TAP1: variants seen among roughly 807,000 people sequenced by gnomAD.
TAP1 encodes transporter 1, ATP binding cassette subfamily B member.
A neutral mutation model predicts 79.3 loss-of-function variants in TAP1; 56 were observed. The observed-to-expected ratio is 0.71, with a 90% CI of 0.57 to 0.88. The LOEUF is 0.88. Ranked by LOEUF, TAP1 falls within the 40% of genes least tolerant of loss-of-function variation. The pLI is 0.00. For synonymous variants in TAP1, 355 were observed against 401.4 expected (o/e 0.88, Z 1.38); for missense variants, 737 against 936.3 (o/e 0.79, Z 2.78).
Position 32,847,877 on chromosome 6 carries a change from T to G in TAP1, c.1740+42A>C. The G allele has an allele frequency of 1.9e-6, 3 of 1,612,916 alleles. No individual in the cohort carries two copies. Among genetic ancestry groups the G allele is most frequent in the Non-Finnish European group, 2.5e-6 (3 of 1,179,786 alleles). On this transcript the variant is annotated intron_variant, in intron 8 of 10. Transcript: ENST00000354258. The surrounding 1 kb of genome is among the most constrained non-coding windows in gnomAD (Gnocchi z 4.7). The stretch of plus-strand genomic sequence containing the variant: ...GTGCTCAGTAAGAATGCTCTTCGTA[T>G]TTGATGCTCCCTGCCCTCCTTCAAG...
At chr6:32,848,969 G>C in intron 6 of TAP1, 21 bp downstream of exon 6, 1 of 1,612,876 alleles carries the variant, frequency 6.2e-7, no homozygotes, top group Non-Finnish European at 8.5e-7. Flanking sequence ...ACACTGGGGA[G>C]TGAAGGTGGA....
rs1562365298 is a variant in TAP1, at chr6:32,847,905, A to G, written c.1740+14T>C. 1.2e-6 allele frequency: 2 copies of G among 1,613,084 alleles called. No individual in the cohort carries two copies. The highest frequency in any genetic ancestry group is 1.7e-4 in the Middle Eastern group (1 of 6,060). Reference sequence around the variant, plus strand: ...GATGCTCCCTGCCCTCCTTCAAGCCACCTGCTTCCATACCTGCCTGTGCAG... The same window carrying G: ...GATGCTCCCTGCCCTCCTTCAAGCCGCCTGCTTCCATACCTGCCTGTGCAG... On this transcript the variant is annotated intron_variant, in intron 8 of 10. Transcript: ENST00000354258. This position sits in a 1 kb window ranked among gnomAD's most constrained non-coding sequence, Gnocchi z 4.7.
intron 5 of TAP1, chr6:32,849,379 T>C (rs1464817762): frequency 1.7e-6 from 1 of 575,426 alleles, no homozygotes; most frequent in Non-Finnish European, 3.1e-6. Flanking sequence ...AAGGCTTTCA[T>C]TCATGTGATG....
rs755957031 is a variant in TAP1, at chr6:32,852,720, G to C, written c.599-218C>G. 2 of 1,455,960 alleles carry C rather than the reference G, an allele frequency of 1.4e-6. No homozygotes were observed. The highest frequency in any genetic ancestry group is 1.4e-5 in the South Asian group (1 of 69,500). 90.2% of individuals were successfully genotyped at this position (1,455,960 alleles called of 1,614,324 possible). A position where few individuals can be genotyped will look rare whatever the true frequency, so the allele number is the denominator to read the frequency against. ...GAACTTTCAGGATTTTATTAGGAAG[G>C]CTGGAGATCATGAAGTAGAAAAGCC... On this transcript the variant is annotated intron_variant, in intron 1 of 10. Transcript: ENST00000354258. This position sits in a 1 kb window ranked among gnomAD's most constrained non-coding sequence, Gnocchi z 4.8.
Position 32,847,554 on chromosome 6 carries a change from GCC to G in TAP1, c.1860_1861del (p.Ala621ProfsTer2). On this transcript the variant is annotated frameshift_variant, in exon 9 of 11. Transcript: ENST00000354258. LOFTEE classifies it high-confidence loss of function. This position sits in a 1 kb window ranked among gnomAD's most constrained non-coding sequence, Gnocchi z 4.7. ...AGGGAGTCCAGAGATGAAACTATGG[GCC>G]CCAGACTTTACTGCAGCAGCTGTGA... The G allele has an allele frequency of 6.2e-7, 1 of 1,613,992 alleles. No homozygotes were observed. Among genetic ancestry groups the G allele is most frequent in the Non-Finnish European group, 8.5e-7 (1 of 1,180,020 alleles).
rs1582643219 is a variant in TAP1, at chr6:32,852,986, A to G, written c.598+53T>C. 3.2e-6 allele frequency: 5 copies of G among 1,556,388 alleles called. No individual in the cohort carries two copies. Among genetic ancestry groups the G allele is most frequent in the Non-Finnish European group, 2.6e-6 (3 of 1,154,764 alleles). On this transcript the variant is annotated intron_variant, in intron 1 of 10. Transcript: ENST00000354258. The surrounding 1 kb of genome is among the most constrained non-coding windows in gnomAD (Gnocchi z 4.8). Reference sequence around the variant, plus strand: ...TCTACCTTACTGACAATTACCTTTGATTCCTGTCCCAGTCCCCTTGTGTCC... The same window carrying G: ...TCTACCTTACTGACAATTACCTTTGGTTCCTGTCCCAGTCCCCTTGTGTCC...
Position 32,853,538 on chromosome 6 carries a change from C to T in TAP1, c.99G>A (p.Trp33Ter). 6.2e-7 allele frequency: 1 copy of T among 1,610,412 alleles called. No individual in the cohort carries two copies. Among genetic ancestry groups the T allele is most frequent in the Non-Finnish European group, 8.5e-7 (1 of 1,178,064 alleles). ...GGGGCAGCGCGGTCCGGAGCAGCAC[C>T]CAGTCGGCGAGAAGTAGCAGTACTG... The part of the protein sequence containing the change: ...LGTVLLLLAD[W>*]VLLRTALPRI... Residue 33 changes from tryptophan (W) to a stop codon, truncating the protein, a stop_gained, in exon 1 of 11, where the codon TGG becomes TGA. Coordinates refer to ENST00000354258, the MANE Select transcript of TAP1 (RefSeq NM_000593.6). LOFTEE classifies it high-confidence loss of function. This position sits in a 1 kb window ranked among gnomAD's most constrained non-coding sequence, Gnocchi z 8.3.
rs778175475 is a variant in TAP1, at chr6:32,848,078, G to A, written c.1581C>T (p.Thr527=). ...GCGCCGTCACCTCGCCAGGGCGTAG[G>A]GTGAATGTCAGCCCCTAGAGGCCAG... is the stretch of plus-strand genomic sequence containing the variant. ...DVLVLQGLTF[T]LRPGEVTALV... Residue 527 remains threonine (T), a synonymous_variant, in exon 8 of 11, where the codon ACC becomes ACT. Coordinates refer to ENST00000354258, the MANE Select transcript of TAP1 (RefSeq NM_000593.6). The A allele has an allele frequency of 6.2e-6, 10 of 1,607,588 alleles. No homozygotes were observed. In the African/African-American group the frequency reaches 8.0e-5, roughly 13 times the overall value.
chr6:32,847,151 A>T lies in TAP1; in HGVS notation c.1957T>A (p.Leu653Met), dbSNP rs772090667. The T allele has an allele frequency of 6.8e-6, 11 of 1,612,788 alleles. No individual in the cohort carries two copies. The African/African-American group carries it at 1.3e-4, about 20-fold the overall frequency. ...GGTTTCCGGATCAATGCTCGGGCCA[A>T]CGCCACTGCCTGTCGCTGACCCCCT... is the stretch of plus-strand genomic sequence containing the variant. ...LSGGQRQAVALARALIRKPCV... is the reference protein window; with the variant it reads ...LSGGQRQAVAMARALIRKPCV... The change falls in exon 10 of 11, where the codon TTG (leucine) becomes ATG (methionine). Residue 653 changes from leucine (L) to methionine (M), a missense_variant. Physicochemically the swap from Leu to Met is conservative, Grantham distance 15 (BLOSUM62 2). Coordinates refer to ENST00000354258, the MANE Select transcript of TAP1 (RefSeq NM_000593.6). The surrounding 1 kb of genome is among the most constrained non-coding windows in gnomAD (Gnocchi z 4.7).
At chr6:32,849,356 T>C (rs1770644288) in intron 5 of TAP1, 1 of 602,474 alleles carries the variant, frequency 1.7e-6, no homozygotes, top group South Asian at 2.0e-5. Flanking sequence ...GGGGAGCATT[T>C]TACTCTTCAC....
chr6:32,850,807 G>T lies in TAP1; in HGVS notation c.1050+137C>A. The T allele has an allele frequency of 1.1e-6, 1 of 884,638 alleles. No individual in the cohort carries two copies. The highest frequency in any genetic ancestry group is 1.9e-6 in the Non-Finnish European group (1 of 531,310). The allele number at this position is 884,638 out of a possible 1,614,324, so 54.8% of individuals were successfully genotyped here. On this transcript the variant is annotated intron_variant, in intron 4 of 10. Coordinates refer to ENST00000354258, the MANE Select transcript of TAP1 (RefSeq NM_000593.6). This position sits in a 1 kb window ranked among gnomAD's most constrained non-coding sequence, Gnocchi z 5.5. ...AGCAACCTGGGAACATGGACCACAG[G>T]GACAGGGTGTTCCATGAAGATGGAG...
rs1770864720 is a variant in TAP1 at position 32,852,645 on chromosome 6, G to A, written c.599-143C>T. On this transcript the variant is annotated intron_variant, in intron 1 of 10. Coordinates refer to ENST00000354258, the MANE Select transcript of TAP1 (RefSeq NM_000593.6). This position sits in a 1 kb window ranked among gnomAD's most constrained non-coding sequence, Gnocchi z 4.8. ...AAGGAAACACTGACGTCTCAATCCCGAACCTAAATAGGCTGCCCTGGAACT... is the reference window on the plus strand; with the variant it reads ...AAGGAAACACTGACGTCTCAATCCCAAACCTAAATAGGCTGCCCTGGAACT... 6.5e-7 allele frequency: 1 copy of A among 1,535,536 alleles called. No individual in the cohort carries two copies. The highest frequency in any genetic ancestry group is 2.0e-5 in the Admixed American group (1 of 50,590).
chr6:32,846,130 C>G, intron 10 of TAP1: 1 of 368,306 alleles, frequency 2.7e-6, no homozygotes, highest in South Asian at 2.9e-5. Flanking sequence ...GATGAGCATT[C>G]AAGTCAGGCA....
chr6:32,848,952 A>G, intron 6 of TAP1, 38 bp downstream of exon 6: 1 of 1,612,860 alleles, frequency 6.2e-7, no homozygotes, highest in Non-Finnish European at 8.5e-7. Context: ...GGCCAGAGGA[A>G]GGAATCACAC....
At position 32,852,901 on chromosome 6, in the gene TAP1, G is replaced by T; in HGVS notation, c.598+138C>A. The T allele has an allele frequency of 6.9e-7, 1 of 1,458,824 alleles. No homozygotes were observed. Among genetic ancestry groups the T allele is most frequent in the Non-Finnish European group, 9.1e-7 (1 of 1,104,438 alleles). 90.4% of individuals were successfully genotyped at this position (1,458,824 alleles called of 1,614,324 possible). ...GCCGTTTCTTCTACACCGAAGTGGT[G>T]TTCCAAGACCCACGCTAGGAGTCCT... is the stretch of plus-strand genomic sequence containing the variant. On this transcript the variant is annotated intron_variant, in intron 1 of 10. Coordinates refer to ENST00000354258, the MANE Select transcript of TAP1 (RefSeq NM_000593.6). This position sits in a 1 kb window ranked among gnomAD's most constrained non-coding sequence, Gnocchi z 4.8.
rs1270686101 is a variant in TAP1, at chr6:32,852,491, T to C, written c.610A>G (p.Ile204Val). ...VVLSSLGEMA[I>V]PFFTGRLTDW... is the part of the protein sequence containing the mutation. ...GTGAGGCGGCCCGTAAAGAATGGAA[T>C]GGCCATCTCCCCTGGAGAAAGAGAA... is the stretch of plus-strand genomic sequence containing the variant. Residue 204 changes from isoleucine (I) to valine (V), a missense_variant, in exon 2 of 11, where the codon ATT becomes GTT. Coordinates refer to ENST00000354258, the MANE Select transcript of TAP1 (RefSeq NM_000593.6). The surrounding 1 kb of genome is among the most constrained non-coding windows in gnomAD (Gnocchi z 4.8). 22 of 1,612,910 alleles carry C rather than the reference T, an allele frequency of 1.4e-5. No individual in the cohort carries two copies. The highest frequency in any genetic ancestry group is 1.0e-4 in the Admixed American group (6 of 60,002).
chr6:32,849,716 A>T (rs1770670425), intron 5 of TAP1: 1 of 167,788 alleles, frequency 6.0e-6, no homozygotes, highest in African/African-American at 2.4e-5. Context: ...GCGCCACTGC[A>T]CTCCAGCCTG....
At chr6:32,848,560 C>T (rs2127388320) in intron 7 of TAP1, 92 bp downstream of exon 7, 2 of 1,357,560 alleles carry the variant, frequency 1.5e-6, no homozygotes, top group East Asian at 2.3e-5. Flanking sequence ...AGGATATATG[C>T]TTGGCAGTAA....
chr6:32,845,993 T>A lies in TAP1; in HGVS notation c.2041-208A>T. 1.6e-6 allele frequency: 1 copy of A among 609,880 alleles called. No individual in the cohort carries two copies. The highest frequency in any genetic ancestry group is 2.9e-6 in the Non-Finnish European group (1 of 339,602). 37.8% of individuals were successfully genotyped at this position (609,880 alleles called of 1,614,324 possible). ...TTACATGAAGGGTGCAAAAGTAGGA[T>A]AAAAATGAGAACCCTAGGGTGAAAC... On this transcript the variant is annotated intron_variant, in intron 10 of 10. Transcript: ENST00000354258. This position sits in a 1 kb window ranked among gnomAD's most constrained non-coding sequence, Gnocchi z 4.5.
Sources: gnomAD v4.1 joint callset for allele counts on GRCh38, gnomAD v4.1.1 for gene constraint, Gnocchi (gnomAD v3.1) non-coding constraint, MANE v1.5 for transcripts, NCBI Gene and HGNC (gene_info 2026-07-23, HGNC 2026-07-21) for gene names.